UNC13B: variants seen among roughly 807,000 people sequenced by gnomAD.
UNC13B encodes the protein unc-13 homolog B.
UNC13B carries 144 observed loss-of-function variants against 211.0 expected under a neutral mutation model. The observed-to-expected ratio is 0.68, with a 90% CI of 0.60 to 0.78. The LOEUF (loss-of-function observed/expected upper bound fraction) is 0.78, where lower values mean the gene tolerates loss of function less well. Among genes scored for constraint, UNC13B ranks in the 30% least tolerant of loss-of-function variants. UNC13B has a pLI of 0.00. For synonymous variants in UNC13B, 709 were observed against 725.8 expected (o/e 0.98, Z 0.37); for missense variants, 1,777 against 2,002.0 (o/e 0.89, Z 2.14).
chr9:35,170,637 T>G (rs530602397), intron 1 of UNC13B, among the ~76,000 whole-genome samples: 3 of 151,402 alleles, frequency 2.0e-5, no homozygotes, highest in African/African-American at 7.3e-5. Context: ...CTTGGCTAAT[T>G]AAAAAAAAAT....
intron 10 of UNC13B, among the ~76,000 whole-genome samples, chr9:35,312,679 T>C (rs1310046842): frequency 6.6e-6 from 1 of 152,212 alleles, no homozygotes; most frequent in Admixed American, 6.5e-5. Flanking sequence ...TATTTTAACA[T>C]GTCTAGATGG....
At chr9:35,268,756 TC>T (rs1827715231) in intron 7 of UNC13B, among the ~76,000 whole-genome samples, 1 of 152,220 alleles carries the variant, frequency 6.6e-6, no homozygotes, top group Non-Finnish European at 1.5e-5. Context: ...GTTTTCCAGA[TC>T]TCTTTGTTGC....
intron 1 of UNC13B, among the ~76,000 whole-genome samples, chr9:35,207,506 A>ATTTATTTG (rs1416581159): frequency 6.6e-6 from 1 of 150,476 alleles, no homozygotes; most frequent in Non-Finnish European, 1.5e-5. Flanking sequence ...TTATTTATTT[A>ATTTATTTG]TTTATTTAGT....
chr9:35,366,800 C>A, intron 11 of UNC13B, 147 bp from the exon 12 acceptor site: 1 of 669,916 alleles, frequency 1.5e-6, no homozygotes. Context: ...CTGATCAGGA[C>A]ATTGGTTTAG....
chr9:35,354,695 C>T (rs1309903735), intron 11 of UNC13B, among the ~76,000 whole-genome samples: 2 of 152,170 alleles, frequency 1.3e-5, no homozygotes, highest in East Asian at 1.9e-4. Flanking sequence ...TCCTCTTATG[C>T]ATATAACCTG....
intron 7 of UNC13B, among the ~76,000 whole-genome samples, chr9:35,259,856 C>T (rs767448853): frequency 1.3e-5 from 2 of 149,168 alleles, no homozygotes; most frequent in Non-Finnish European, 3.0e-5. Context: ...TCATGCCAAA[C>T]TCCATCAACT....
intron 28 of UNC13B, 41 bp downstream of exon 28, chr9:35,396,978 C>A: frequency 6.2e-7 from 1 of 1,611,294 alleles, no homozygotes. Flanking sequence ...CAGGCCAGGT[C>A]TCCCAGCAAT....
rs953738700 is a variant in UNC13B at position 35,304,241 on chromosome 9, T to C, written c.4837T>C (p.Ser1613Pro). Reference protein sequence around the residue: ...EEPIDDPLDLSLALPRSEEPL... With the variant: ...EEPIDDPLDLPLALPRSEEPL... ...ACCAATTGATGACCCTCTTGATTTATCTTTAGCTTTGCCAAGAAGTGAGGA... is the reference window on the plus strand; with the variant it reads ...ACCAATTGATGACCCTCTTGATTTACCTTTAGCTTTGCCAAGAAGTGAGGA... Residue 1613 changes from serine (S) to proline (P), a missense_variant, in exon 9 of 40, where the codon TCT becomes CCT. Ser to Pro is a moderately conservative substitution (Grantham distance 74, BLOSUM62 -1). Transcript: ENST00000635942. The C allele has an allele frequency of 1.0e-5, 4 of 398,720 alleles. No homozygotes were observed. In the Admixed American group the frequency reaches 1.8e-4, roughly 18 times the overall value. The allele number at this position is 398,720 out of a possible 1,614,324, so 24.7% of individuals were successfully genotyped here.
intron 6 of UNC13B, among the ~76,000 whole-genome samples, chr9:35,247,479 T>G (rs1826174856): frequency 6.6e-6 from 1 of 152,188 alleles, no homozygotes; most frequent in Admixed American, 6.5e-5. Flanking sequence ...AGTATGATAT[T>G]GGCTGTGGGT....
chr9:35,370,184 C>A (rs117643769), intron 12 of UNC13B, 134 bp from the exon 13 acceptor site: 2 of 640,686 alleles, frequency 3.1e-6, no homozygotes, highest in East Asian at 2.8e-5. Context: ...CTTTCCTTCC[C>A]GTCCTAAAAG....
At chr9:35,291,169 G>A (rs1335571248) in intron 7 of UNC13B, 1 of 1,454,446 alleles carries the variant, frequency 6.9e-7, no homozygotes, top group Non-Finnish European at 9.4e-7. Context: ...TACTCCCTCT[G>A]AACTGTGAAG....
chr9:35,321,381 C>T (rs528301348), intron 11 of UNC13B, among the ~76,000 whole-genome samples: 55 of 152,088 alleles, frequency 3.6e-4, no homozygotes, highest in Non-Finnish European at 4.7e-4. Flanking sequence ...CCACCATGCC[C>T]GGCTGATTTA....
rs143063760 is a variant in UNC13B at position 35,281,516 on chromosome 9, C to T, written c.527-14180C>T. On this transcript the variant is annotated intron_variant, in intron 7 of 39. Coordinates refer to ENST00000635942, the MANE Select transcript of UNC13B (RefSeq NM_001371189.2). ...GTACCATTTGATAAGTGAATGGGAA[C>T]GTAAGTACTTGATATTCAAGGAATA... Among the ~76,000 whole-genome samples, 32 of 151,644 alleles carry T rather than the reference C, an allele frequency of 2.1e-4. No individual in the cohort carries two copies. The East Asian group carries it at 4.3e-3, about 20-fold the overall frequency.
intron 26 of UNC13B, among the ~76,000 whole-genome samples, chr9:35,391,395 C>CATCT (rs1835525578): frequency 1.3e-5 from 2 of 152,142 alleles, no homozygotes; most frequent in South Asian, 4.1e-4. Context: ...TGTGAAAGCC[C>CATCT]ATCTAGGAGG....
At chr9:35,375,232 C>T (rs1458903979) in intron 14 of UNC13B, 31 bp downstream of exon 14, 1 of 1,609,040 alleles carries the variant, frequency 6.2e-7, no homozygotes, top group Non-Finnish European at 8.5e-7. Context: ...CGTAAGTCCA[C>T]TGGCCTCAGG....
chr9:35,196,317 T>C (rs954128667), intron 1 of UNC13B, among the ~76,000 whole-genome samples: 1 of 152,230 alleles, frequency 6.6e-6, no homozygotes, highest in African/African-American at 2.4e-5. Context: ...AATTGTTCCA[T>C]GCATAGAACT....
rs1263971121 is a variant in UNC13B at position 35,357,658 on chromosome 9, C to T, written c.9415-9289C>T. ...ATCCCAGCACTTTGGGAGACCGAGG[C>T]GAGAGGATCACTTGAGCTCAGAAAT... On this transcript the variant is annotated intron_variant, in intron 11 of 39. Transcript: ENST00000635942. Among the ~76,000 whole-genome samples the T allele has an allele frequency of 6.0e-5, 9 of 149,486 alleles. 1 individual carries two copies. Among genetic ancestry groups the T allele is most frequent in the African/African-American group, 2.2e-4 (9 of 40,470 alleles).
At chr9:35,385,297 C>G (rs1364233117) in intron 22 of UNC13B, 7 of 985,322 alleles carry the variant, frequency 7.1e-6, no homozygotes, top group Non-Finnish European at 8.4e-6. Context: ...AGTACAGGTC[C>G]TGGACCTCAG....
intron 3 of UNC13B, among the ~76,000 whole-genome samples, chr9:35,234,066 A>G (rs185533123): frequency 6.6e-6 from 1 of 152,206 alleles, no homozygotes; most frequent in African/African-American, 2.4e-5. Flanking sequence ...TTGAGATGCT[A>G]TTTGGGAGTT....
Sources: gnomAD v4.1 joint callset for allele counts (sites outside exome capture counted in the v4.1 genomes callset) on GRCh38, gnomAD v4.1.1 for gene constraint, MANE v1.5 for transcripts, NCBI Gene and HGNC (gene_info 2026-07-23, HGNC 2026-07-21) for gene names.